VRK1: variants seen among roughly 807,000 people sequenced by gnomAD.
The protein encoded by VRK1 is serine/threonine-protein kinase VRK1.
A neutral mutation model predicts 57.1 loss-of-function variants in VRK1; 33 were observed. The ratio of observed to expected loss-of-function variants is 0.58; its 90% CI spans 0.44 to 0.77. The LOEUF (loss-of-function observed/expected upper bound fraction) is 0.77. Among genes scored for constraint, VRK1 ranks in the 30% least tolerant of loss-of-function variants. VRK1 has a pLI of 0.00. For missense variants in VRK1, 413 were observed against 477.3 expected, an observed-to-expected ratio of 0.87 and a Z score of 1.25; for synonymous variants, 137 against 147.8, an observed-to-expected ratio of 0.93 and a Z score of 0.53.
chr14:96,846,099 C>G lies in VRK1; in HGVS notation c.221C>G (p.Pro74Arg). 1 of 1,612,892 alleles carries G rather than the reference C, an allele frequency of 6.2e-7. No homozygotes were observed. Among genetic ancestry groups the G allele is most frequent in the Non-Finnish European group, 8.5e-7 (1 of 1,179,280 alleles). ...SDAPCVVKVE[P>R]SDNGPLFTEL... ...AATTAACTCTTATATTTTAAGGAACCCAGTGACAATGGACCTCTTTTTACT... is the reference window on the plus strand; with the variant it reads ...AATTAACTCTTATATTTTAAGGAACGCAGTGACAATGGACCTCTTTTTACT... The change falls in exon 4 of 13, where the codon CCC (proline) becomes CGC (arginine). Residue 74 changes from proline to arginine, a missense_variant. Physicochemically the swap from Pro to Arg is moderately radical, Grantham distance 103. This residue lies in a region of VRK1 where 116 missense variants were observed against 113.6 expected (regional missense o/e 1.02). Coordinates refer to ENST00000216639, the MANE Select transcript of VRK1 (RefSeq NM_003384.3).
intron 11 of VRK1, among the ~76,000 whole-genome samples, chr14:96,862,417 T>G (rs1888426008): frequency 6.6e-6 from 1 of 152,208 alleles, no homozygotes; most frequent in Non-Finnish European, 1.5e-5. Flanking sequence ...GGGTTATTCT[T>G]TGTATTAAAA....
At chr14:96,830,610 G>A (rs540180778) in intron 1 of VRK1, among the ~76,000 whole-genome samples, 16 of 152,106 alleles carry the variant, frequency 1.1e-4, no homozygotes, top group African/African-American at 3.1e-4. Flanking sequence ...AACCTTTTGG[G>A]AGGCATGTTT....
At chr14:96,868,366 C>A (rs1356223003) in intron 11 of VRK1, among the ~76,000 whole-genome samples, 1 of 152,110 alleles carries the variant, frequency 6.6e-6, no homozygotes, top group Admixed American at 6.5e-5. Context: ...AAGGGTGGGA[C>A]CGTCGGGATT....
At chr14:96,820,132 C>G (rs533629826) in intron 1 of VRK1, among the ~76,000 whole-genome samples, 1 of 125,856 alleles carries the variant, frequency 7.9e-6, no homozygotes, top group Non-Finnish European at 1.7e-5. Context: ...TTGTTGTTGC[C>G]GATTGTTGTA....
At chr14:96,838,380 A>G (rs1276125829) in intron 3 of VRK1, among the ~76,000 whole-genome samples, 2 of 152,194 alleles carry the variant, frequency 1.3e-5, no homozygotes, top group African/African-American at 4.8e-5. Context: ...AGATCCATTT[A>G]TATGTTGGCG....
intron 11 of VRK1, among the ~76,000 whole-genome samples, chr14:96,863,445 TAAG>T (rs1888465311): frequency 6.6e-6 from 1 of 152,176 alleles, no homozygotes; most frequent in Non-Finnish European, 1.5e-5. Context: ...CCATCTGGGT[TAAG>T]AACAGCTTAA....
At chr14:96,860,759 C>T in intron 11 of VRK1, 24 bp downstream of exon 11, 1 of 1,603,436 alleles carries the variant, frequency 6.2e-7, no homozygotes, top group Non-Finnish European at 8.5e-7. Context: ...TTAAATTATT[C>T]TTTGGTCTTC....
chr14:96,881,227 G>T lies in VRK1; in HGVS notation c.*19G>T. The T allele has an allele frequency of 6.3e-7, 1 of 1,595,166 alleles. No individual in the cohort carries two copies. The highest frequency in any genetic ancestry group is 8.6e-7 in the Non-Finnish European group (1 of 1,169,200). ...GAAGTAATTCAGATGCTGTGAACCAGATTTCCTTTTCTTTGTTTTCTTTTG... is the reference window on the plus strand; with the variant it reads ...GAAGTAATTCAGATGCTGTGAACCATATTTCCTTTTCTTTGTTTTCTTTTG... On this transcript the variant is annotated 3_prime_UTR_variant, in exon 13 of 13. Transcript: ENST00000216639.
intron 4 of VRK1, among the ~76,000 whole-genome samples, chr14:96,846,749 C>A (rs1595670234): frequency 6.7e-6 from 1 of 149,360 alleles, no homozygotes. Context: ...AATAACAATT[C>A]AATAATAAAA....
intron 3 of VRK1, 23 bp from the exon 4 acceptor site, chr14:96,846,069 GTAC>G: frequency 6.3e-7 from 1 of 1,587,052 alleles, no homozygotes; most frequent in Non-Finnish European, 8.7e-7. Context: ...ACTACTGCTA[GTAC>G]TAATTAACTC....
rs1401041498 is a variant in VRK1, at chr14:96,797,435, T to A, written c.-18T>A. 1 of 151,878 alleles carries A rather than the reference T, an allele frequency of 6.6e-6. No homozygotes were observed. The highest frequency in any genetic ancestry group is 1.9e-4 in the East Asian group (1 of 5,166). 9.4% of individuals were successfully genotyped at this position (151,878 alleles called of 1,614,324 possible). ...TTCGTACTGGGCAGAACGCGACGGG[T>A]CTGCGGCTTAGGGTAGGGAGGCCGC... On this transcript the variant is annotated 5_prime_UTR_variant, in exon 1 of 13. Coordinates refer to ENST00000216639, the MANE Select transcript of VRK1 (RefSeq NM_003384.3).
chr14:96,872,171 C>G (rs1383587508), intron 11 of VRK1, among the ~76,000 whole-genome samples: 1 of 152,136 alleles, frequency 6.6e-6, no homozygotes, highest in Non-Finnish European at 1.5e-5. Context: ...TCATTCATTT[C>G]CTAACTCTCC....
chr14:96,849,889 G>C (rs992703245), intron 5 of VRK1, among the ~76,000 whole-genome samples: 2 of 152,132 alleles, frequency 1.3e-5, no homozygotes, highest in Admixed American at 6.5e-5. Context: ...TTTTGTTTGT[G>C]TGACTCCTGT....
intron 11 of VRK1, among the ~76,000 whole-genome samples, chr14:96,872,742 A>T (rs1237645332): frequency 6.6e-6 from 1 of 152,178 alleles, no homozygotes; most frequent in African/African-American, 2.4e-5. Context: ...TTTTAACTAA[A>T]TCTATTAGTT....
intron 4 of VRK1, among the ~76,000 whole-genome samples, chr14:96,846,856 T>TAA (rs748432888): frequency 1.3e-5 from 2 of 151,978 alleles, no homozygotes; most frequent in Non-Finnish European, 1.5e-5. Flanking sequence ...ATAAAGTATA[T>TAA]AAGAGGATGT....
intron 5 of VRK1, among the ~76,000 whole-genome samples, chr14:96,850,226 C>A (rs1269421114): frequency 6.6e-6 from 1 of 152,176 alleles, no homozygotes; most frequent in Non-Finnish European, 1.5e-5. Context: ...GTAGATTATT[C>A]TTCCAGCCCC....
intron 3 of VRK1, among the ~76,000 whole-genome samples, chr14:96,844,073 G>C (rs1887576126): frequency 6.6e-6 from 1 of 152,196 alleles, no homozygotes; most frequent in African/African-American, 2.4e-5. Context: ...ATATAAATGA[G>C]CTATTCCAAA....
At chr14:96,800,214 A>G (rs1457138118) in intron 1 of VRK1, among the ~76,000 whole-genome samples, 4 of 152,180 alleles carry the variant, frequency 2.6e-5, no homozygotes, top group Non-Finnish European at 5.9e-5. Flanking sequence ...ATAAAGATGC[A>G]GAGGGCTCTG....
At chr14:96,812,322 G>A (rs1886236872) in intron 1 of VRK1, among the ~76,000 whole-genome samples, 1 of 152,094 alleles carries the variant, frequency 6.6e-6, no homozygotes, top group African/African-American at 2.4e-5. Context: ...GTTCTTTAGG[G>A]ACTACCAAAC....
Sources: allele counts gnomAD v4.1 joint callset (sites outside exome capture counted in the v4.1 genomes callset), GRCh38; gene constraint gnomAD v4.1.1; regional missense constraint gnomAD v4.1.1; transcripts MANE v1.5; gene names NCBI Gene and HGNC (gene_info 2026-07-23, HGNC 2026-07-21).